Variants in PDE11A observed in about 807,000 individuals in gnomAD.
PDE11A encodes phosphodiesterase 11A.
In PDE11A, 100 loss-of-function variants were observed where a neutral mutation model predicts 100.5. The observed-to-expected ratio is 1.00, with a 90% CI of 0.85 to 1.18. The LOEUF (loss-of-function observed/expected upper bound fraction) is 1.18. PDE11A is among the 50% of genes most tolerant of loss of function. The pLI, the probability that PDE11A is intolerant of heterozygous loss-of-function variation, is 0.00. For synonymous variants in PDE11A, 381 were observed against 420.8 expected, an observed-to-expected ratio of 0.91 and a Z score of 1.16; for missense variants, 1,141 against 1,152.6, an observed-to-expected ratio of 0.99 and a Z score of 0.15.
intron 2 of PDE11A, among the ~76,000 whole-genome samples, chr2:177,972,865 A>G (rs1270482787): frequency 1.3e-5 from 2 of 152,152 alleles, no homozygotes; most frequent in African/African-American, 4.8e-5. Context: ...GTAGGCACTT[A>G]GGTGGGGAAG....
chr2:177,635,259 A>G (rs1444315842), intron 19 of PDE11A, among the ~76,000 whole-genome samples: 1 of 152,218 alleles, frequency 6.6e-6, no homozygotes, highest in Non-Finnish European at 1.5e-5. Context: ...TTAGTAGTGT[A>G]GGACTGATAA....
At chr2:177,885,217 T>TGC (rs560751380) in intron 4 of PDE11A, among the ~76,000 whole-genome samples, 2,846 of 151,970 alleles carry the variant, frequency 0.019, 51 homozygotes, top group South Asian at 0.046. Flanking sequence ...TGTGTGTGTG[T>TGC]GTGTGTATAT....
chr2:178,094,696 G>T (rs1307910020), intron 2 of PDE11A, among the ~76,000 whole-genome samples: 3 of 152,092 alleles, frequency 2.0e-5, no homozygotes, highest in South Asian at 2.1e-4. Flanking sequence ...CTGATGTAAA[G>T]AAATACCCAA....
chr2:178,079,120 G>T (rs1345103347), intron 2 of PDE11A, among the ~76,000 whole-genome samples: 1 of 152,172 alleles, frequency 6.6e-6, no homozygotes, highest in Non-Finnish European at 1.5e-5. Context: ...GGAAAAAGCT[G>T]GAGGGAAAAA....
chr2:177,817,872 G>T lies in PDE11A; in HGVS notation c.1630C>A (p.Gln544Lys). Residue 544 changes from glutamine to lysine, a missense_variant, in exon 8 of 20, where the codon CAA becomes AAA. Gln to Lys is a moderately conservative substitution (Grantham distance 53). Coordinates refer to ENST00000286063, the MANE Select transcript of PDE11A (RefSeq NM_016953.4). ...TATTTTCTTACCTCAAAAAGTCGTT[G>T]ATCTGCATCATCAAAAGGTTTCCCA... is the stretch of plus-strand genomic sequence containing the variant. ...LDGKPFDDAD[Q>K]RLFEAFVIFC... 6.6e-7 allele frequency: 1 copy of T among 1,515,662 alleles called. No individual in the cohort carries two copies. Among genetic ancestry groups the T allele is most frequent in the Non-Finnish European group, 9.2e-7 (1 of 1,092,116 alleles). 93.9% of individuals were successfully genotyped at this position (1,515,662 alleles called of 1,614,324 possible).
rs981446206 is a variant in PDE11A at position 177,992,477 on chromosome 2, G to A, written c.1071+21825C>T. ...TTACCAAAATATTTCTACCATTCAT[G>A]CTATTTGCCTCTTCAGTAAGTATCC... On this transcript the variant is annotated intron_variant, in intron 2 of 19. Transcript: ENST00000286063. Among the ~76,000 whole-genome samples the A allele has an allele frequency of 3.0e-4, 43 of 143,612 alleles. 4 individuals carry two copies. Among genetic ancestry groups the A allele is most frequent in the Non-Finnish European group, 9.2e-5 (6 of 64,906 alleles). The allele number at this position is 143,612 out of a possible 152,430, so 94.2% of individuals were successfully genotyped here.
intron 19 of PDE11A, among the ~76,000 whole-genome samples, chr2:177,631,570 C>T (rs112802512): frequency 4.5e-4 from 7 of 15,680 alleles, no homozygotes; most frequent in Admixed American, 1.2e-3. Context: ...TATATATATA[C>T]ATGTATATAT....
At chr2:178,013,156 G>T (rs1450446876) in intron 2 of PDE11A, among the ~76,000 whole-genome samples, 1 of 152,108 alleles carries the variant, frequency 6.6e-6, no homozygotes, top group Non-Finnish European at 1.5e-5. Context: ...GTCTTTCCTA[G>T]GCGCCCCCAG....
In PDE11A at chr2:177,982,407, A is replaced by T. The variant is rs562911658; in HGVS notation, c.1071+31895T>A. ...TGCTATGAAGGCTTAATATTCTAAC[A>T]TTGCAATCATGGGTACAACCTAAAA... On this transcript the variant is annotated intron_variant, in intron 2 of 19. Transcript: ENST00000286063. Among the ~76,000 whole-genome samples the T allele has an allele frequency of 1.2e-3, 187 of 150,770 alleles. 19 individuals are homozygous for T. The South Asian group carries it at 0.04, about 32-fold the overall frequency.
At chr2:177,817,617 G>C (rs997894928) in intron 8 of PDE11A, among the ~76,000 whole-genome samples, 4 of 152,252 alleles carry the variant, frequency 2.6e-5, no homozygotes, top group African/African-American at 9.6e-5. Context: ...GGAAAAGAGA[G>C]GGTAATTCTG....
rs2084439117 is a variant in PDE11A, at chr2:177,886,776, A to C, written c.1303-10853T>G. 2.0e-5 allele frequency among the ~76,000 whole-genome samples: 3 copies of C among 152,196 alleles called. No individual in the cohort carries two copies. The South Asian group carries it at 6.2e-4, about 32-fold the overall frequency. On this transcript the variant is annotated intron_variant, in intron 4 of 19. Coordinates refer to ENST00000286063, the MANE Select transcript of PDE11A (RefSeq NM_016953.4). The stretch of plus-strand genomic sequence containing the variant: ...ATAAGTTCATGCTTTTACACATCTG[A>C]TCTTTTCCAAAAACAGAGCAAAGAC...
Position 178,071,678 on chromosome 2 carries a change from C to T in PDE11A, c.760G>A (p.Val254Ile). 6.2e-7 allele frequency: 1 copy of T among 1,613,802 alleles called. No homozygotes were observed. The highest frequency in any genetic ancestry group is 8.5e-7 in the Non-Finnish European group (1 of 1,179,684). The change falls in exon 1 of 20, where the codon GTC (valine) becomes ATC (isoleucine). Residue 254 changes from valine to isoleucine, a missense_variant. Physicochemically the swap from Val to Ile is conservative, Grantham distance 29. Transcript: ENST00000286063. ...EGAAAGKKTL[V>I]SKFFDVHAGT... ...GCATGCACATCAAAGAATTTGGAGA[C>T]CAAGGTCTTCTTGCCAGCAGCTGCC...
At chr2:177,763,889 C>G (rs1256859931) in intron 10 of PDE11A, among the ~76,000 whole-genome samples, 1 of 152,152 alleles carries the variant, frequency 6.6e-6, no homozygotes, top group African/African-American at 2.4e-5. Context: ...AAAGGCACTC[C>G]ATGCACTTGG....
chr2:178,049,724 G>A (rs531648331), intron 1 of PDE11A, among the ~76,000 whole-genome samples: 1 of 152,128 alleles, frequency 6.6e-6, no homozygotes, highest in Non-Finnish European at 1.5e-5. Flanking sequence ...GGCTTGGAGG[G>A]TCCCACACCC....
At chr2:177,970,787 G>A (rs1466778468) in intron 2 of PDE11A, among the ~76,000 whole-genome samples, 1 of 152,162 alleles carries the variant, frequency 6.6e-6, no homozygotes, top group Non-Finnish European at 1.5e-5. Flanking sequence ...CAAGATAAAA[G>A]AAGGTAAAAG....
At chr2:177,889,443 C>T (rs2084494463) in intron 4 of PDE11A, among the ~76,000 whole-genome samples, 1 of 151,910 alleles carries the variant, frequency 6.6e-6, no homozygotes, top group African/African-American at 2.4e-5. Flanking sequence ...TCCAAGATTG[C>T]CTTTATTTCA....
chr2:177,677,454 G>C (rs1309915717), intron 16 of PDE11A, among the ~76,000 whole-genome samples: 1 of 152,180 alleles, frequency 6.6e-6, no homozygotes, highest in Admixed American at 6.5e-5. Flanking sequence ...AGAGAAGGGA[G>C]ACAGGACAGG....
chr2:177,940,580 T>A (rs1192160678), intron 2 of PDE11A, among the ~76,000 whole-genome samples: 1 of 152,222 alleles, frequency 6.6e-6, no homozygotes, highest in Non-Finnish European at 1.5e-5. Flanking sequence ...AATACCATTA[T>A]CAATTTCATT....
chr2:178,040,897 A>G (rs1348807676), intron 1 of PDE11A, among the ~76,000 whole-genome samples: 1 of 152,212 alleles, frequency 6.6e-6, no homozygotes, highest in African/African-American at 2.4e-5. Context: ...ACAAATACAG[A>G]ATGATAAAAA....
Sources: allele counts gnomAD v4.1 joint callset (sites outside exome capture counted in the v4.1 genomes callset), GRCh38; gene constraint gnomAD v4.1.1; transcripts MANE v1.5; gene names NCBI Gene and HGNC (gene_info 2026-07-23, HGNC 2026-07-21).